Variants in NALF1 observed in about 807,000 individuals in gnomAD.
NALF1 encodes family with sequence similarity 155 member A.
NALF1 carries 3 observed loss-of-function variants against 48.4 expected under a neutral mutation model. The ratio of observed to expected loss-of-function variants is 0.06; its 90% CI spans 0.03 to 0.16. The LOEUF (loss-of-function observed/expected upper bound fraction) is 0.16, where lower values mean the gene tolerates loss of function less well. NALF1 is among the 10% of genes least tolerant of loss of function. The probability of loss-of-function intolerance (pLI) is 1.00; values close to 1 mark genes in which losing one functional copy is unlikely to be tolerated. For missense variants in NALF1, 526 were observed against 571.5 expected (o/e 0.92, Z 0.81); for synonymous variants, 262 against 245.7 (o/e 1.07, Z -0.62).
intron 1 of NALF1, among the ~76,000 whole-genome samples, chr13:107,610,304 A>C (rs1413593622): frequency 6.6e-6 from 1 of 152,242 alleles, no homozygotes; most frequent in Non-Finnish European, 1.5e-5. Context: ...AAGACTGGAG[A>C]GTTAAACAAG....
At chr13:107,703,418 A>G (rs1215691723) in intron 1 of NALF1, among the ~76,000 whole-genome samples, 1 of 145,890 alleles carries the variant, frequency 6.9e-6, no homozygotes, top group Non-Finnish European at 1.5e-5. Flanking sequence ...CTGGAGTGCA[A>G]TGGCACGACC....
In NALF1 at chr13:107,195,866, C is replaced by G. The variant is rs193241717; in HGVS notation, c.1087+14718G>C. On this transcript the variant is annotated intron_variant, in intron 2 of 2. Coordinates refer to ENST00000375915, the MANE Select transcript of NALF1 (RefSeq NM_001080396.3). The stretch of plus-strand genomic sequence containing the variant: ...TTATTCTTACAATGTCTCCCTAGAA[C>G]AGCAAGTCTAGCAAAGTATTTTATA... 9.0e-4 allele frequency among the ~76,000 whole-genome samples: 137 copies of G among 152,260 alleles called. 1 individual carries two copies. In the East Asian group the frequency reaches 0.022, roughly 25 times the overall value.
intron 1 of NALF1, among the ~76,000 whole-genome samples, chr13:107,254,059 T>TAAAAAAAAAAAAA (rs1466572812): frequency 7.9e-6 from 1 of 127,022 alleles, no homozygotes; most frequent in African/African-American, 3.2e-5. Flanking sequence ...GAGCAAGTAC[T>TAAAAAAAAAAAAA]AAAATATATA....
At chr13:107,372,748 T>A (rs544954479) in intron 1 of NALF1, among the ~76,000 whole-genome samples, 1 of 152,226 alleles carries the variant, frequency 6.6e-6, no homozygotes, top group African/African-American at 2.4e-5. Flanking sequence ...CAATCTGTTA[T>A]CAAACATGCT....
chr13:107,759,947 T>A (rs1406176356), intron 1 of NALF1, among the ~76,000 whole-genome samples: 1 of 152,120 alleles, frequency 6.6e-6, no homozygotes, highest in Non-Finnish European at 1.5e-5. Context: ...TATGATAACT[T>A]TTTTGTCACA....
At chr13:107,666,816 C>T (rs1880871105) in intron 1 of NALF1, among the ~76,000 whole-genome samples, 2 of 152,014 alleles carry the variant, frequency 1.3e-5, no homozygotes, top group African/African-American at 2.4e-5. Context: ...CGTTTTGATC[C>T]AAGATTCGCC....
chr13:107,861,235 T>C, intron 1 of NALF1, among the ~76,000 whole-genome samples: 1 of 152,176 alleles, frequency 6.6e-6, no homozygotes, highest in South Asian at 2.1e-4. Context: ...AAAATACATA[T>C]AACTATCATG....
chr13:107,625,361 A>C (rs577430515), intron 1 of NALF1, among the ~76,000 whole-genome samples: 1 of 152,268 alleles, frequency 6.6e-6, no homozygotes, highest in Admixed American at 6.5e-5. Flanking sequence ...CAGCACAAAG[A>C]GATAAGCTAC....
intron 1 of NALF1, among the ~76,000 whole-genome samples, chr13:107,273,695 A>G (rs1881221230): frequency 6.6e-6 from 1 of 152,254 alleles, no homozygotes; most frequent in Admixed American, 6.5e-5. Context: ...TGAAAGGCAC[A>G]TTATGTGCTA....
chr13:107,829,186 T>C (rs1440204743), intron 1 of NALF1, among the ~76,000 whole-genome samples: 2 of 152,128 alleles, frequency 1.3e-5, no homozygotes, highest in African/African-American at 4.8e-5. Flanking sequence ...AGAAAGCACT[T>C]TGGAGGATGT....
intron 1 of NALF1, among the ~76,000 whole-genome samples, chr13:107,757,102 G>C (rs1877123185): frequency 6.6e-6 from 1 of 152,192 alleles, no homozygotes; most frequent in African/African-American, 2.4e-5. Flanking sequence ...AGCTTCTGAT[G>C]AGATGCAAGA....
intron 1 of NALF1, among the ~76,000 whole-genome samples, chr13:107,379,459 C>T (rs549653755): frequency 3.6e-4 from 55 of 152,278 alleles, no homozygotes; most frequent in Non-Finnish European, 6.0e-4. Context: ...CTACCCTTTA[C>T]ATTTTTCTGA....
chr13:107,588,753 G>C (rs530623427), intron 1 of NALF1, among the ~76,000 whole-genome samples: 2 of 151,914 alleles, frequency 1.3e-5, no homozygotes, highest in Non-Finnish European at 2.9e-5. Context: ...TTGGCATCAC[G>C]TCAGTGGCAT....
At chr13:107,830,155 T>C (rs917532101) in intron 1 of NALF1, among the ~76,000 whole-genome samples, 1 of 152,200 alleles carries the variant, frequency 6.6e-6, no homozygotes, top group African/African-American at 2.4e-5. Context: ...CTCTTGTGCA[T>C]TCCAGCAATC....
At chr13:107,270,727 A>G (rs1445907939) in intron 1 of NALF1, among the ~76,000 whole-genome samples, 2 of 151,902 alleles carry the variant, frequency 1.3e-5, no homozygotes, top group African/African-American at 4.8e-5. Context: ...GGTTTGTTAC[A>G]TATGTATACA....
chr13:107,503,658 T>C (rs577936548), intron 1 of NALF1, among the ~76,000 whole-genome samples: 1 of 152,192 alleles, frequency 6.6e-6, no homozygotes, highest in South Asian at 2.1e-4. Flanking sequence ...CCTATGTTCA[T>C]TGCAGCATTA....
At chr13:107,687,015 G>T (rs928604619) in intron 1 of NALF1, among the ~76,000 whole-genome samples, 3 of 152,146 alleles carry the variant, frequency 2.0e-5, no homozygotes, top group Non-Finnish European at 4.4e-5. Flanking sequence ...GTTTATTGCA[G>T]CCTTATTCAC....
At chr13:107,201,849 G>A (rs968751927) in intron 2 of NALF1, among the ~76,000 whole-genome samples, 17 of 152,168 alleles carry the variant, frequency 1.1e-4, no homozygotes, top group African/African-American at 3.9e-4. Context: ...GACATATTCC[G>A]TAAAGGAGGA....
chr13:107,584,540 G>A (rs1594142784), intron 1 of NALF1, among the ~76,000 whole-genome samples: 1 of 152,064 alleles, frequency 6.6e-6, no homozygotes, highest in East Asian at 1.9e-4. Flanking sequence ...GTTAGAAGAG[G>A]CTTTTAAATG....
Sources: allele counts gnomAD v4.1 joint callset (sites outside exome capture counted in the v4.1 genomes callset), GRCh38; gene constraint gnomAD v4.1.1; transcripts MANE v1.5; gene names NCBI Gene and HGNC (gene_info 2026-07-23, HGNC 2026-07-21).